Variants in ZNF345 observed in about 807,000 individuals in gnomAD.
ZNF345 encodes the protein zinc finger protein HZF10.
For missense variants in ZNF345, 527 were observed against 589.9 expected (o/e 0.89, Z 1.10); for synonymous variants, 166 against 187.9 (o/e 0.88, Z 0.95).
intron 3 of ZNF345, chr19:36,892,035 G>A: frequency 6.2e-7 from 1 of 1,613,708 alleles, no homozygotes; most frequent in South Asian, 1.1e-5. Context: ...TAAGGTTTGA[G>A]CAATACTTAA....
intron 3 of ZNF345, among the ~76,000 whole-genome samples, chr19:36,887,839 G>A (rs1213930822): frequency 1.3e-5 from 2 of 152,124 alleles, no homozygotes; most frequent in African/African-American, 4.8e-5. Flanking sequence ...TGATCCTAAA[G>A]TCATTCTCAT....
At chr19:36,870,152 T>A (rs941466037) in intron 2 of ZNF345, among the ~76,000 whole-genome samples, 4 of 152,218 alleles carry the variant, frequency 2.6e-5, no homozygotes, top group Non-Finnish European at 5.9e-5. Flanking sequence ...AGTTAAATGT[T>A]TTGTAAATAT....
chr19:36,866,902 C>T (rs1229132177), intron 2 of ZNF345, among the ~76,000 whole-genome samples: 1 of 152,134 alleles, frequency 6.6e-6, no homozygotes, highest in Non-Finnish European at 1.5e-5. Flanking sequence ...TATTTAATAA[C>T]CTTTATGACT....
At chr19:36,850,673 C>T (rs1372028319), upstream of ZNF345, 1 of 152,212 alleles carries the variant, frequency 6.6e-6, no homozygotes, top group Non-Finnish European at 1.5e-5. Context: ...AGGTGAGACT[C>T]CCGGAAGGCT....
In ZNF345 at chr19:36,861,598, A is replaced by G. The variant is rs538984410; in HGVS notation, c.-47+9694A>G. 9.9e-5 allele frequency among the ~76,000 whole-genome samples: 15 copies of G among 152,166 alleles called. 1 individual carries two copies. The South Asian group carries it at 3.1e-3, about 32-fold the overall frequency. On this transcript the variant is annotated intron_variant, in intron 2 of 2. Coordinates refer to ENST00000420450, the MANE Select transcript of ZNF345 (RefSeq NM_001242472.2). ...TATTTTTGAGACGGAGTCTCGCTCTATCACCAGGCTGAAGTGCAGTGGCGT... is the reference window on the plus strand; with the variant it reads ...TATTTTTGAGACGGAGTCTCGCTCTGTCACCAGGCTGAAGTGCAGTGGCGT...
At chr19:36,858,719 T>C (rs2072478635) in intron 2 of ZNF345, among the ~76,000 whole-genome samples, 2 of 151,974 alleles carry the variant, frequency 1.3e-5, no homozygotes, top group Non-Finnish European at 2.9e-5. Flanking sequence ...GGAGCCAAGA[T>C]TGCACCACTG....
chr19:36,873,214 C>T (rs879909379), intron 2 of ZNF345, among the ~76,000 whole-genome samples: 1 of 152,046 alleles, frequency 6.6e-6, no homozygotes, highest in South Asian at 2.1e-4. Flanking sequence ...AGTAGCTTCT[C>T]ATATCCTTAT....
intron 2 of ZNF345, among the ~76,000 whole-genome samples, chr19:36,867,866 A>G (rs527709291): frequency 3.0e-4 from 45 of 152,026 alleles, no homozygotes; most frequent in African/African-American, 1.1e-3. Context: ...GGCCAGTCCT[A>G]TTGATTACTG....
At chr19:36,886,925 C>T (rs1237762009) in intron 3 of ZNF345, among the ~76,000 whole-genome samples, 5 of 145,078 alleles carry the variant, frequency 3.4e-5, no homozygotes, top group Admixed American at 1.4e-4. Flanking sequence ...ACCCAAGAGG[C>T]GGAGCTTGCA....
In ZNF345 at chr19:36,877,401, C is replaced by T. The variant is rs916579237; in HGVS notation, c.571C>T (p.Arg191Trp). ...KSFSFESALI[R>W]HHRIHTGEKP... ...CTTTAGTTTTGAATCAGCCCTTATTCGGCATCACAGAATTCACACAGGTGA... is the reference window on the plus strand; with the variant it reads ...CTTTAGTTTTGAATCAGCCCTTATTTGGCATCACAGAATTCACACAGGTGA... The change falls in exon 3 of 3, where the codon CGG becomes TGG. Residue 191 changes from arginine (R) to tryptophan (W), a missense_variant. Arg to Trp is a moderately radical substitution (Grantham distance 101, BLOSUM62 -3). Transcript: ENST00000420450. The T allele has an allele frequency of 5.6e-6, 9 of 1,613,970 alleles. No homozygotes were observed. Among genetic ancestry groups the T allele is most frequent in the South Asian group, 2.2e-5 (2 of 91,068 alleles).
intron 2 of ZNF345, among the ~76,000 whole-genome samples, chr19:36,853,245 CTT>C (rs902150512): frequency 2.7e-4 from 29 of 106,512 alleles, no homozygotes; most frequent in African/African-American, 8.8e-4. Context: ...TTCTTTCTTT[CTT>C]TTTTTTTTTT....
intron 2 of ZNF345, among the ~76,000 whole-genome samples, chr19:36,875,380 T>C (rs549974631): frequency 6.6e-6 from 1 of 152,150 alleles, no homozygotes; most frequent in East Asian, 1.9e-4. Context: ...GCAGTGGATA[T>C]AGGGGGACAT....
At chr19:36,865,739 T>C (rs1176698085) in intron 2 of ZNF345, among the ~76,000 whole-genome samples, 1 of 152,206 alleles carries the variant, frequency 6.6e-6, no homozygotes, top group East Asian at 1.9e-4. Flanking sequence ...TTCTAGTACT[T>C]ACATGTTTTA....
chr19:36,861,815 C>G (rs2072553496), intron 2 of ZNF345, among the ~76,000 whole-genome samples: 1 of 151,528 alleles, frequency 6.6e-6, no homozygotes, highest in South Asian at 2.1e-4. Flanking sequence ...CAGCCTCAGC[C>G]TCCCAAAGTG....
At chr19:36,889,218 T>C (rs1348842188) in intron 3 of ZNF345, 1 of 152,204 alleles carries the variant, frequency 6.6e-6, no homozygotes, top group Non-Finnish European at 1.5e-5. Context: ...CTGAAGATTT[T>C]TGTGTCTATT....
At chr19:36,854,479 A>C (rs953287329) in intron 2 of ZNF345, 2 of 152,180 alleles carry the variant, frequency 1.3e-5, no homozygotes, top group African/African-American at 4.8e-5. Flanking sequence ...AGTTGAGCAG[A>C]AACATGGCTT....
At position 36,879,469 on chromosome 19, in the gene ZNF345, T is replaced by C. The variant is rs2072954660; in HGVS notation, c.*1172T>C. 1.2e-5 allele frequency: 2 copies of C among 167,054 alleles called. No homozygotes were observed. The highest frequency in any genetic ancestry group is 4.8e-5 in the African/African-American group (2 of 41,470). The allele number at this position is 167,054 out of a possible 1,614,324, so 10.3% of individuals were successfully genotyped here. A position where few individuals can be genotyped will look rare whatever the true frequency, so the allele number is the denominator to read the frequency against. ...ACTATAACCAGCCCTTAATATTTTT[T>C]GTCTGTAAATATGTTGTTACCATTT... On this transcript the variant is annotated 3_prime_UTR_variant, in exon 3 of 3. Transcript: ENST00000420450.
intron 2 of ZNF345, among the ~76,000 whole-genome samples, chr19:36,863,720 T>C (rs541022520): frequency 1.3e-5 from 2 of 152,316 alleles, no homozygotes; most frequent in African/African-American, 2.4e-5. Flanking sequence ...AACTGAGAGT[T>C]AATAAACCTG....
At chr19:36,859,057 A>C (rs1458809936) in intron 2 of ZNF345, among the ~76,000 whole-genome samples, 1 of 152,034 alleles carries the variant, frequency 6.6e-6, no homozygotes, top group African/African-American at 2.4e-5. Flanking sequence ...TATATGGTAC[A>C]TACACATACC....
Sources: gnomAD v4.1 joint callset for allele counts (sites outside exome capture counted in the v4.1 genomes callset) on GRCh38, gnomAD v4.1.1 for gene constraint, MANE v1.5 for transcripts, NCBI Gene and HGNC (gene_info 2026-07-23, HGNC 2026-07-21) for gene names.